Variants in SLC24A2 observed in about 807,000 individuals in gnomAD.
SLC24A2 encodes sodium/potassium/calcium exchanger 2.
Under a neutral mutation model 62.0 loss-of-function variants are expected in SLC24A2, and 36 were observed. The ratio of observed to expected loss-of-function variants is 0.58; its 90% CI spans 0.44 to 0.77. SLC24A2 has a LOEUF of 0.77. Among genes scored for constraint, SLC24A2 ranks in the 30% least tolerant of loss-of-function variants. The probability of loss-of-function intolerance (pLI) is 0.00; values close to 1 mark genes in which losing one functional copy is unlikely to be tolerated. For synonymous variants in SLC24A2, 358 were observed against 294.0 expected, an observed-to-expected ratio of 1.22 and a Z score of -2.23; for missense variants, 846 against 817.9, an observed-to-expected ratio of 1.03 and a Z score of -0.42.
chr9:20,242,071 T>C, the SLC24A2 span, among the ~76,000 whole-genome samples: 2 of 152,204 alleles, frequency 1.3e-5, no homozygotes, highest in Non-Finnish European at 2.9e-5. Context: ...TCCTATGGAC[T>C]AACGCGCCAG....
At chr9:19,725,968 G>C (rs1008524782) in intron 2 of SLC24A2, among the ~76,000 whole-genome samples, 3 of 152,046 alleles carry the variant, frequency 2.0e-5, no homozygotes, top group African/African-American at 7.2e-5. Context: ...ATAGAGCATT[G>C]GGGAAAAAAA....
the SLC24A2 span, among the ~76,000 whole-genome samples, chr9:20,226,730 T>A: frequency 6.6e-6 from 1 of 152,182 alleles, no homozygotes; most frequent in Non-Finnish European, 1.5e-5. Flanking sequence ...CATTCTTCCA[T>A]CTGTCTTTAT....
chr9:19,990,922 G>GATATATATATGTTTATATATATAT, the SLC24A2 span, among the ~76,000 whole-genome samples: 1 of 120,812 alleles, frequency 8.3e-6, no homozygotes. Context: ...GGACTAATAG[G>GATATATATATGTTTATATATATAT]ATATATATAT....
chr9:19,788,909 C>T lies in SLC24A2; in HGVS notation c.-178G>A. On this transcript the variant is annotated 5_prime_UTR_variant, in exon 1 of 11. In the 5' UTR this introduces an upstream ATG that the reference lacks. Coordinates refer to ENST00000341998, the MANE Select transcript of SLC24A2 (RefSeq NM_020344.4). ...CCAGGATAAGATGGGAGGACGCGCA[C>T]ACGGCGGGGCCCCCGAGCGCGGCCC... The T allele has an allele frequency of 1.0e-6, 1 of 985,360 alleles. No individual in the cohort carries two copies. The highest frequency in any genetic ancestry group is 4.7e-5 in the South Asian group (1 of 21,288). The allele number at this position is 985,360 out of a possible 1,614,324, so 61.0% of individuals were successfully genotyped here. A position where few individuals can be genotyped will look rare whatever the true frequency, so the allele number is the denominator to read the frequency against.
the SLC24A2 span, among the ~76,000 whole-genome samples, chr9:20,010,830 A>G: frequency 2.8e-5 from 4 of 140,684 alleles, no homozygotes; most frequent in Admixed American, 7.7e-5. Context: ...TCATTGTTCA[A>G]TTCCCACCTA....
the SLC24A2 span, among the ~76,000 whole-genome samples, chr9:20,055,087 G>T: frequency 6.6e-6 from 1 of 152,136 alleles, no homozygotes; most frequent in African/African-American, 2.4e-5. Flanking sequence ...TGAGGGGCAG[G>T]AATGTATAGT....
At chr9:20,164,051 C>T in the SLC24A2 span, among the ~76,000 whole-genome samples, 1 of 152,132 alleles carries the variant, frequency 6.6e-6, no homozygotes, top group Non-Finnish European at 1.5e-5. Context: ...CTAGGCATTA[C>T]CATTCAGGAC....
At chr9:19,936,791 T>A in the SLC24A2 span, among the ~76,000 whole-genome samples, 1 of 152,136 alleles carries the variant, frequency 6.6e-6, no homozygotes, top group East Asian at 1.9e-4. Context: ...AGATATTATC[T>A]CAAGATGATA....
At chr9:19,895,546 C>CTTT in the SLC24A2 span, among the ~76,000 whole-genome samples, 45 of 135,334 alleles carry the variant, frequency 3.3e-4, no homozygotes, top group Non-Finnish European at 4.5e-4. Context: ...TTCTTTCTTT[C>CTTT]TTTTTTTTTT....
chr9:20,226,665 G>C, the SLC24A2 span, among the ~76,000 whole-genome samples: 1 of 151,996 alleles, frequency 6.6e-6, no homozygotes, highest in Non-Finnish European at 1.5e-5. Context: ...AGCAATACCT[G>C]ATGAAGACCT....
At chr9:19,964,047 T>G in the SLC24A2 span, among the ~76,000 whole-genome samples, 5 of 151,886 alleles carry the variant, frequency 3.3e-5, no homozygotes, top group East Asian at 7.8e-4. Flanking sequence ...CCATAAAAAA[T>G]GATGAGTTCA....
At chr9:20,276,115 A>G in the SLC24A2 span, among the ~76,000 whole-genome samples, 1 of 152,190 alleles carries the variant, frequency 6.6e-6, no homozygotes, top group African/African-American at 2.4e-5. Flanking sequence ...CCTTCCCAAC[A>G]GTCCCCCAAA....
chr9:20,057,042 AT>A, the SLC24A2 span, among the ~76,000 whole-genome samples: 1 of 152,220 alleles, frequency 6.6e-6, no homozygotes, highest in Non-Finnish European at 1.5e-5. Context: ...TACAGACATA[AT>A]TTTTTAAATC....
At chr9:19,565,846 C>G (rs1421724925) in intron 7 of SLC24A2, among the ~76,000 whole-genome samples, 2 of 151,894 alleles carry the variant, frequency 1.3e-5, no homozygotes, top group Non-Finnish European at 2.9e-5. Context: ...ACAAACATGA[C>G]AAAAACAAGA....
In SLC24A2 at chr9:19,785,946, G is replaced by T. The variant is rs1285463764; in HGVS notation, c.921C>A (p.Ala307=). 35 of 1,614,102 alleles carry T rather than the reference G, an allele frequency of 2.2e-5. No homozygotes were observed. Among genetic ancestry groups the T allele is most frequent in the Non-Finnish European group, 2.9e-5 (34 of 1,180,014 alleles). ...ATCCACCACCACCAACCTTTGCTTG[G>T]GCTTCTGGTGCTGTCACCTTGACGA... ...NKVVKVTAPE[A]QAKPSAARDK... is the part of the protein sequence containing the mutation. Residue 307 remains alanine (A), a synonymous_variant, in exon 2 of 11, where the codon GCC becomes GCA. Coordinates refer to ENST00000341998, the MANE Select transcript of SLC24A2 (RefSeq NM_020344.4).
At chr9:20,297,889 G>T in the SLC24A2 span, among the ~76,000 whole-genome samples, 1 of 152,146 alleles carries the variant, frequency 6.6e-6, no homozygotes, top group Non-Finnish European at 1.5e-5. Flanking sequence ...CAAATGCCTA[G>T]ACTCTGAGCA....
chr9:19,571,988 A>G (rs1386427740), intron 7 of SLC24A2, among the ~76,000 whole-genome samples: 1 of 152,034 alleles, frequency 6.6e-6, no homozygotes, highest in East Asian at 1.9e-4. Context: ...TGGAGCTACT[A>G]TCCGGGCGCA....
the SLC24A2 span, among the ~76,000 whole-genome samples, chr9:19,830,096 T>C: frequency 2.0e-5 from 3 of 152,054 alleles, no homozygotes; most frequent in Non-Finnish European, 4.4e-5. Flanking sequence ...TGAGTTTTTC[T>C]TGTAGTTTTC....
the SLC24A2 span, among the ~76,000 whole-genome samples, chr9:19,989,092 T>C: frequency 6.6e-6 from 1 of 152,194 alleles, no homozygotes; most frequent in Admixed American, 6.6e-5. Flanking sequence ...TGAAAAATTT[T>C]ATAAAAATAT....
Sources: gnomAD v4.1 joint callset for allele counts (sites outside exome capture counted in the v4.1 genomes callset) on GRCh38, gnomAD v4.1.1 for gene constraint, MANE v1.5 for transcripts, NCBI Gene and HGNC (gene_info 2026-07-23, HGNC 2026-07-21) for gene names.